The following MPDZ variants were observed in gnomAD, a reference collection of about 807,000 sequenced individuals.
The protein encoded by MPDZ is multiple PDZ domain crumbs cell polarity complex component.
A neutral mutation model predicts 239.1 loss-of-function variants in MPDZ; 234 were observed. That is an observed-to-expected ratio of 0.98 (90% CI 0.88 to 1.09). MPDZ has a LOEUF of 1.09. Ranked by LOEUF, MPDZ falls within the 50% of genes least tolerant of loss-of-function variation. The pLI is 0.00. For synonymous variants in MPDZ, 1,048 were observed against 881.3 expected (o/e 1.19, Z -3.35); for missense variants, 3,175 against 2,510.0 (o/e 1.26, Z -5.66).
chr9:13,166,611 G>C (rs1951108785), intron 22 of MPDZ, among the ~76,000 whole-genome samples: 1 of 152,030 alleles, frequency 6.6e-6, no homozygotes. Flanking sequence ...AGGGAAGGTT[G>C]TACGATTTTT....
At chr9:13,147,120 T>C (rs1587237712) in intron 26 of MPDZ, among the ~76,000 whole-genome samples, 1 of 151,994 alleles carries the variant, frequency 6.6e-6, no homozygotes, top group African/African-American at 2.4e-5. Context: ...CAGATGATTA[T>C]GGGATTGCAT....
intron 23 of MPDZ, among the ~76,000 whole-genome samples, chr9:13,160,643 G>C (rs1051205821): frequency 6.6e-5 from 10 of 151,526 alleles, no homozygotes; most frequent in African/African-American, 1.9e-4. Flanking sequence ...CCCTACAATG[G>C]AAATCCTGGA....
At chr9:13,140,219 G>A (rs1226180285) in intron 27 of MPDZ, 70 bp from the exon 28 acceptor site, 1 of 1,490,880 alleles carries the variant, frequency 6.7e-7, no homozygotes, top group Non-Finnish European at 9.0e-7. Flanking sequence ...GAAGAAATAA[G>A]AGTATACTGT....
chr9:13,269,530 A>G lies in MPDZ; in HGVS notation c.-58+9870T>C, dbSNP rs147803427. Among the ~76,000 whole-genome samples the G allele has an allele frequency of 1.6e-3, 245 of 152,354 alleles. 1 individual carries two copies. The highest frequency in any genetic ancestry group is 5.6e-3 in the African/African-American group (234 of 41,590). Reference sequence around the variant, plus strand: ...AGAGAGGAGCATATTATCTAAAAAAATAAAATTTGCCATGATCCTTTCTTA... The same window carrying G: ...AGAGAGGAGCATATTATCTAAAAAAGTAAAATTTGCCATGATCCTTTCTTA... On this transcript the variant is annotated intron_variant, in intron 1 of 46. Coordinates refer to ENST00000319217, the MANE Select transcript of MPDZ (RefSeq NM_001378778.1).
intron 41 of MPDZ, 50 bp downstream of exon 41, chr9:13,113,881 G>C (rs958783394): frequency 5.7e-6 from 8 of 1,395,010 alleles, no homozygotes; most frequent in African/African-American, 4.3e-5. Context: ...AAAAAAATCA[G>C]TGTTGACAGC....
chr9:13,155,914 A>G (rs1949757643), intron 24 of MPDZ, among the ~76,000 whole-genome samples: 1 of 152,252 alleles, frequency 6.6e-6, no homozygotes, highest in Admixed American at 6.5e-5. Flanking sequence ...GAATCTTTGG[A>G]GGTATTCTTC....
chr9:13,249,938 A>G (rs530154868), intron 2 of MPDZ, among the ~76,000 whole-genome samples: 2 of 152,334 alleles, frequency 1.3e-5, no homozygotes, highest in African/African-American at 4.8e-5. Flanking sequence ...TAAAAGTAAT[A>G]TCTTCTTTCA....
chr9:13,115,349 G>T lies in MPDZ; in HGVS notation c.5380-15C>A, dbSNP rs967344089. The stretch of plus-strand genomic sequence containing the variant: ...CCTAGGGAACACTGGGGGTGGGCAT[G>T]GGGGGTGTTTTATGGAAATGTTTAA... On this transcript the variant is annotated splice_polypyrimidine_tract_variant and intron_variant, in intron 39 of 46. Transcript: ENST00000319217. The T allele has an allele frequency of 2.3e-5, 37 of 1,593,460 alleles. No homozygotes were observed. The highest frequency in any genetic ancestry group is 3.2e-5 in the Non-Finnish European group (37 of 1,162,964).
chr9:13,153,673 G>C (rs1175497534), intron 24 of MPDZ, among the ~76,000 whole-genome samples: 1 of 152,132 alleles, frequency 6.6e-6, no homozygotes, highest in Non-Finnish European at 1.5e-5. Context: ...CTAAGGCAAA[G>C]TGGCAAATGA....
At chr9:13,275,728 A>G (rs1974022109) in intron 1 of MPDZ, among the ~76,000 whole-genome samples, 1 of 152,140 alleles carries the variant, frequency 6.6e-6, no homozygotes, top group Non-Finnish European at 1.5e-5. Context: ...TCAAGAGATA[A>G]AAGTCAGCCT....
chr9:13,223,230 T>TA (rs955501973), intron 5 of MPDZ, among the ~76,000 whole-genome samples: 4 of 151,622 alleles, frequency 2.6e-5, no homozygotes, highest in South Asian at 2.1e-4. Flanking sequence ...TCTGGGTACA[T>TA]AAAAAAAATG....
intron 21 of MPDZ, among the ~76,000 whole-genome samples, chr9:13,175,290 C>T (rs1952314399): frequency 6.6e-6 from 1 of 152,190 alleles, no homozygotes; most frequent in African/African-American, 2.4e-5. Context: ...CTCACATTTA[C>T]ATTTTGGTGG....
intron 1 of MPDZ, among the ~76,000 whole-genome samples, chr9:13,275,371 T>TCAG (rs1483519960): frequency 1.3e-5 from 2 of 152,238 alleles, no homozygotes; most frequent in African/African-American, 4.8e-5. Flanking sequence ...CAGGGAGAAC[T>TCAG]CAGCCATCTA....
intron 23 of MPDZ, among the ~76,000 whole-genome samples, chr9:13,159,333 G>A (rs1950193252): frequency 1.3e-5 from 2 of 152,092 alleles, no homozygotes; most frequent in African/African-American, 2.4e-5. Flanking sequence ...TTTCCCTCCT[G>A]TGCAATTAAA....
Position 13,112,998 on chromosome 9 carries a change from C to G in MPDZ, c.5601+13G>C, listed in dbSNP as rs760192031. 4.0e-5 allele frequency: 63 copies of G among 1,578,832 alleles called. No individual in the cohort carries two copies. The highest frequency in any genetic ancestry group is 5.3e-5 in the Non-Finnish European group (62 of 1,159,612). ...AACGCCAGGGTTTATATTGTTTTCT[C>G]TCCCCAAGTTACCTTTTTCATTTCG... is the stretch of plus-strand genomic sequence containing the variant. On this transcript the variant is annotated intron_variant, in intron 42 of 46. Coordinates refer to ENST00000319217, the MANE Select transcript of MPDZ (RefSeq NM_001378778.1).
At chr9:13,161,569 G>A (rs533651886) in intron 23 of MPDZ, among the ~76,000 whole-genome samples, 106 of 151,498 alleles carry the variant, frequency 7.0e-4, no homozygotes, top group Non-Finnish European at 1.2e-3. Flanking sequence ...GTGAAACTCC[G>A]TCTCAAAAAA....
At chr9:13,220,362 C>T (rs1330906125) in intron 7 of MPDZ, among the ~76,000 whole-genome samples, 2 of 152,016 alleles carry the variant, frequency 1.3e-5, no homozygotes, top group Non-Finnish European at 2.9e-5. Context: ...CTCTTCTGCA[C>T]TACTCAATAC....
intron 10 of MPDZ, among the ~76,000 whole-genome samples, chr9:13,214,231 A>T (rs1353904668): frequency 6.6e-6 from 1 of 152,116 alleles, no homozygotes. Flanking sequence ...AAGGAATATT[A>T]TTCAGCAATA....
chr9:13,116,193 G>A (rs1308670798), intron 39 of MPDZ, among the ~76,000 whole-genome samples: 1 of 152,092 alleles, frequency 6.6e-6, no homozygotes, highest in Non-Finnish European at 1.5e-5. Flanking sequence ...TGCAAGAAAT[G>A]CCGCACAGTC....
Sources: allele counts gnomAD v4.1 joint callset (sites outside exome capture counted in the v4.1 genomes callset), GRCh38; gene constraint gnomAD v4.1.1; transcripts MANE v1.5; gene names NCBI Gene and HGNC (gene_info 2026-07-23, HGNC 2026-07-21).